Variants in DAG1 observed in about 807,000 individuals in gnomAD.
DAG1 encodes dystroglycan 1 (dystrophin-associated glycoprotein 1).
Under a neutral mutation model 46.1 loss-of-function variants are expected in DAG1, and 8 were observed. That is an observed-to-expected ratio of 0.17 (90% CI 0.10 to 0.31). The LOEUF is 0.31. DAG1 is among the 10% of genes least tolerant of loss of function. The probability of loss-of-function intolerance (pLI) is 1.00; values close to 1 mark genes in which losing one functional copy is unlikely to be tolerated. For synonymous variants in DAG1, 495 were observed against 481.8 expected, an observed-to-expected ratio of 1.03 and a Z score of -0.36; for missense variants, 1,003 against 1,189.9, an observed-to-expected ratio of 0.84 and a Z score of 2.31.
rs745639033 is a variant in DAG1 at position 49,510,578 on chromosome 3, G to A, written c.44G>A (p.Gly15Glu). The stretch of plus-strand genomic sequence containing the variant: ...CTCTCGCTGCTGCTGCCCCTCTCGG[G>A]GAGGACCTTTCTCCTCCTGCTCTCT... ...VGLSLLLPLS[G>E]RTFLLLLSVV... Residue 15 changes from glycine (G) to glutamate (E), a missense_variant, in exon 2 of 3, where the codon GGG becomes GAG. Gly to Glu is a moderately conservative substitution (Grantham distance 98, BLOSUM62 -2). Around this residue, in one of 3 missense-constraint regions of DAG1, gnomAD observed 196 missense variants for 239.1 expected, o/e 0.82. Transcript: ENST00000308775. The A allele has an allele frequency of 3.1e-6, 5 of 1,613,950 alleles. No individual in the cohort carries two copies. In the East Asian group the frequency reaches 8.9e-5, roughly 29 times the overall value.
intron 2 of DAG1, among the ~76,000 whole-genome samples, chr3:49,514,840 CATACATAG>C (rs1356683532): frequency 6.6e-6 from 1 of 150,494 alleles, no homozygotes; most frequent in East Asian, 1.9e-4. Context: ...TGTGTGTACA[CATACATAG>C]ACACACACAC....
chr3:49,514,033 G>A (rs147146060), intron 2 of DAG1, among the ~76,000 whole-genome samples: 7 of 152,280 alleles, frequency 4.6e-5, no homozygotes, highest in Non-Finnish European at 7.4e-5. Flanking sequence ...TACCAAGGGG[G>A]TGAAGAGATT....
intron 2 of DAG1, among the ~76,000 whole-genome samples, chr3:49,529,306 G>A (rs577062220): frequency 6.6e-6 from 1 of 152,322 alleles, no homozygotes; most frequent in Admixed American, 6.5e-5. Context: ...AAAGTACTGG[G>A]ATTATAGGTA....
At chr3:49,485,906 T>C (rs1465380755) in intron 1 of DAG1, among the ~76,000 whole-genome samples, 1 of 152,068 alleles carries the variant, frequency 6.6e-6, no homozygotes, top group African/African-American at 2.4e-5. Flanking sequence ...GGTGATCCTC[T>C]CATCTCAACC....
chr3:49,495,015 A>T (rs982771342), intron 1 of DAG1, among the ~76,000 whole-genome samples: 1 of 152,112 alleles, frequency 6.6e-6, no homozygotes, highest in African/African-American at 2.4e-5. Flanking sequence ...GCTTGGTGCC[A>T]GGCATCTACT....
intron 2 of DAG1, among the ~76,000 whole-genome samples, chr3:49,524,836 A>C (rs970860225): frequency 2.6e-5 from 4 of 151,306 alleles, no homozygotes; most frequent in Admixed American, 1.3e-4. Flanking sequence ...ACACACACAA[A>C]ATACCCGGGC....
chr3:49,480,183 A>G lies in DAG1; in HGVS notation c.-117+9750A>G, dbSNP rs1429568146. Among the ~76,000 whole-genome samples the G allele has an allele frequency of 3.2e-5, 4 of 124,096 alleles. No homozygotes were observed. In the East Asian group the frequency reaches 8.9e-4, roughly 28 times the overall value. 81.4% of individuals were successfully genotyped at this position (124,096 alleles called of 152,430 possible). On this transcript the variant is annotated intron_variant, in intron 1 of 2. Coordinates refer to ENST00000308775, the MANE Select transcript of DAG1 (RefSeq NM_004393.6). Reference sequence around the variant, plus strand: ...TGGTCAGGCTGGTCTCGAACTCCTGACCTCGTAATCCACCTGCCTTGGCCC... The same window carrying G: ...TGGTCAGGCTGGTCTCGAACTCCTGGCCTCGTAATCCACCTGCCTTGGCCC...
chr3:49,526,860 T>C (rs756718834), intron 2 of DAG1, among the ~76,000 whole-genome samples: 2 of 150,904 alleles, frequency 1.3e-5, no homozygotes, highest in Non-Finnish European at 3.0e-5. Flanking sequence ...ACGTTTTCTT[T>C]AGTGTTTATT....
intron 1 of DAG1, among the ~76,000 whole-genome samples, chr3:49,486,179 C>A (rs1368460597): frequency 1.3e-5 from 2 of 148,236 alleles, no homozygotes; most frequent in African/African-American, 5.0e-5. Context: ...CCACTATTTT[C>A]TTTTTCTTTT....
At chr3:49,519,661 G>C (rs927925184) in intron 2 of DAG1, among the ~76,000 whole-genome samples, 1 of 152,104 alleles carries the variant, frequency 6.6e-6, no homozygotes, top group South Asian at 2.1e-4. Context: ...GGCATCCTTG[G>C]GGGTGGGCTG....
intron 2 of DAG1, among the ~76,000 whole-genome samples, chr3:49,529,734 T>C (rs1276356106): frequency 6.6e-6 from 1 of 152,218 alleles, no homozygotes; most frequent in East Asian, 1.9e-4. Flanking sequence ...GTGTCACTTT[T>C]CTTGCATTGG....
chr3:49,498,902 G>A (rs1223538407), intron 1 of DAG1, among the ~76,000 whole-genome samples: 1 of 151,992 alleles, frequency 6.6e-6, no homozygotes, highest in Non-Finnish European at 1.5e-5. Context: ...TAGAAACAGG[G>A]TTTTGCCACG....
intron 2 of DAG1, among the ~76,000 whole-genome samples, chr3:49,526,433 G>C (rs574188555): frequency 6.6e-6 from 1 of 152,230 alleles, no homozygotes; most frequent in Non-Finnish European, 1.5e-5. Context: ...ATTTGGTCAC[G>C]TGCAGTGGCT....
chr3:49,529,506 A>G lies in DAG1; in HGVS notation c.286-1291A>G, dbSNP rs568746066. ...TTGGCAGGAGGAAGCCCAGGGAACC[A>G]GAGGCACTGGGGAATCCAGCAGTCA... On this transcript the variant is annotated intron_variant, in intron 2 of 2. Coordinates refer to ENST00000308775, the MANE Select transcript of DAG1 (RefSeq NM_004393.6). Among the ~76,000 whole-genome samples, 11 of 152,322 alleles carry G rather than the reference A, an allele frequency of 7.2e-5. No individual in the cohort carries two copies. The South Asian group carries it at 2.3e-3, about 32-fold the overall frequency.
intron 1 of DAG1, among the ~76,000 whole-genome samples, chr3:49,492,061 G>A (rs899718881): frequency 1.3e-5 from 2 of 152,076 alleles, no homozygotes; most frequent in Admixed American, 1.3e-4. Flanking sequence ...TGAATAACTG[G>A]GATTATAGGC....
Position 49,480,885 on chromosome 3 carries a change from C to T in DAG1, c.-117+10452C>T, listed in dbSNP as rs1575343814. On this transcript the variant is annotated intron_variant, in intron 1 of 2. Transcript: ENST00000308775. ...CACGCCATTCTTCTGCCTCAGCCTC[C>T]CGAGTAGCTGGGACTACAGTTGCCT... Among the ~76,000 whole-genome samples the T allele has an allele frequency of 5.1e-5, 7 of 137,418 alleles. 1 individual carries two copies. The highest frequency in any genetic ancestry group is 2.9e-4 in the Admixed American group (4 of 13,708). 90.2% of individuals were successfully genotyped at this position (137,418 alleles called of 152,430 possible).
At chr3:49,500,246 C>T (rs1009733077) in intron 1 of DAG1, among the ~76,000 whole-genome samples, 2 of 152,104 alleles carry the variant, frequency 1.3e-5, no homozygotes, top group Non-Finnish European at 2.9e-5. Context: ...CTCCTGACCT[C>T]GTGATCTGCC....
chr3:49,492,484 A>G (rs1390068213), intron 1 of DAG1, among the ~76,000 whole-genome samples: 3 of 151,998 alleles, frequency 2.0e-5, no homozygotes, highest in Non-Finnish European at 2.9e-5. Flanking sequence ...CCATCTCTAC[A>G]AAAGATAAAA....
intron 1 of DAG1, among the ~76,000 whole-genome samples, chr3:49,503,707 G>A (rs1464291978): frequency 6.6e-6 from 1 of 151,960 alleles, no homozygotes; most frequent in African/African-American, 2.4e-5. Context: ...ACATGCCTGT[G>A]GTCCCAGCTA....
Sources: gnomAD v4.1 joint callset for allele counts (sites outside exome capture counted in the v4.1 genomes callset) on GRCh38, gnomAD v4.1.1 for gene constraint, gnomAD v4.1.1 regional missense constraint, MANE v1.5 for transcripts, NCBI Gene and HGNC (gene_info 2026-07-23, HGNC 2026-07-21) for gene names.